Variants in FSD1L observed in about 807,000 individuals in gnomAD.
FSD1L encodes FSD1-like protein.
Under a neutral mutation model 71.6 loss-of-function variants are expected in FSD1L, and 45 were observed. The observed-to-expected ratio is 0.63, with a 90% CI of 0.49 to 0.81. The LOEUF (loss-of-function observed/expected upper bound fraction) is 0.81. Ranked by LOEUF, FSD1L falls within the 30% of genes least tolerant of loss-of-function variation. The pLI is 0.00. For missense variants in FSD1L, 561 were observed against 618.1 expected (o/e 0.91, Z 0.98); for synonymous variants, 197 against 207.2 (o/e 0.95, Z 0.42).
chr9:105,504,146 A>G (rs1474859074), intron 7 of FSD1L, among the ~76,000 whole-genome samples: 1 of 152,212 alleles, frequency 6.6e-6, no homozygotes, highest in Non-Finnish European at 1.5e-5. Context: ...ATTTCCTTAC[A>G]TGTAGGCATA....
intron 7 of FSD1L, among the ~76,000 whole-genome samples, chr9:105,496,673 T>A (rs1421040240): frequency 3.3e-5 from 5 of 152,242 alleles, no homozygotes; most frequent in African/African-American, 1.2e-4. Flanking sequence ...TATTGTGTTT[T>A]AATTTCAAAT....
chr9:105,452,838 T>C (rs1445231389), intron 1 of FSD1L, among the ~76,000 whole-genome samples: 1 of 152,000 alleles, frequency 6.6e-6, no homozygotes, highest in East Asian at 1.9e-4. Flanking sequence ...GTGCTCAAGC[T>C]ATCCTCCCAG....
chr9:105,460,557 A>C (rs1489586695), intron 1 of FSD1L, among the ~76,000 whole-genome samples: 1 of 147,200 alleles, frequency 6.8e-6, no homozygotes, highest in Non-Finnish European at 1.5e-5. Flanking sequence ...GCACCACTGC[A>C]CTCTAGCCTG....
Position 105,448,090 on chromosome 9 carries a change from G to C in FSD1L, c.-131G>C. 9.4e-7 allele frequency: 1 copy of C among 1,063,478 alleles called. No homozygotes were observed. Among genetic ancestry groups the C allele is most frequent in the Non-Finnish European group, 1.4e-6 (1 of 716,830 alleles). 65.9% of individuals were successfully genotyped at this position (1,063,478 alleles called of 1,614,324 possible). A position where few individuals can be genotyped will look rare whatever the true frequency, so the allele number is the denominator to read the frequency against. ...GCGCGCGCGGTCTGGGCGCGGACGG[G>C]TGGGGCCGGGCGGTGCCGGTGCGGG... is the stretch of plus-strand genomic sequence containing the variant. On this transcript the variant is annotated 5_prime_UTR_variant, in exon 1 of 14. Transcript: ENST00000481272.
At chr9:105,528,653 G>C (rs571334148) in intron 10 of FSD1L, among the ~76,000 whole-genome samples, 1 of 152,114 alleles carries the variant, frequency 6.6e-6, no homozygotes, top group South Asian at 2.1e-4. Flanking sequence ...AAGACTTAAA[G>C]ATAAGACCTA....
intron 7 of FSD1L, among the ~76,000 whole-genome samples, chr9:105,491,445 C>G (rs1024723142): frequency 6.6e-6 from 1 of 152,146 alleles, no homozygotes; most frequent in Non-Finnish European, 1.5e-5. Context: ...CGTCTGCAAA[C>G]AGGGACAATT....
Position 105,506,390 on chromosome 9 carries a change from T to C in FSD1L, c.587-9T>C, listed in dbSNP as rs1412143149. On this transcript the variant is annotated splice_polypyrimidine_tract_variant and intron_variant, in intron 7 of 13. Coordinates refer to ENST00000481272, the MANE Select transcript of FSD1L (RefSeq NM_001145313.3). ...ATGAATGAGTCTTTTTTTTTTTTCT[T>C]CTTTGCAGTCCCCAAAGCTCCAGAG... 1 of 1,540,176 alleles carries C rather than the reference T, an allele frequency of 6.5e-7. No individual in the cohort carries two copies. Among genetic ancestry groups the C allele is most frequent in the South Asian group, 1.2e-5 (1 of 82,542 alleles).
intron 1 of FSD1L, among the ~76,000 whole-genome samples, chr9:105,448,600 G>T (rs915733935): frequency 7.5e-6 from 1 of 133,480 alleles, no homozygotes; most frequent in African/African-American, 3.0e-5. Context: ...CTCCTCAGCA[G>T]GTGAGGAAAC....
In FSD1L at chr9:105,496,539, C is replaced by G. The variant is rs144814383; in HGVS notation, c.587-9860C>G. On this transcript the variant is annotated intron_variant, in intron 7 of 13. Transcript: ENST00000481272. The stretch of plus-strand genomic sequence containing the variant: ...TCTATCCATAAACATTGGAATGTCT[C>G]TACATTGATTTAGTTCTTTGATTTC... 1.3e-3 allele frequency among the ~76,000 whole-genome samples: 202 copies of G among 152,290 alleles called. 1 individual carries two copies. Among genetic ancestry groups the G allele is most frequent in the African/African-American group, 4.3e-3 (177 of 41,560 alleles).
At position 105,547,574 on chromosome 9, in the gene FSD1L, T is replaced by G. The variant is rs1268089180; in HGVS notation, c.*1091T>G. The G allele has an allele frequency of 6.6e-6, 1 of 152,078 alleles. No homozygotes were observed. The highest frequency in any genetic ancestry group is 6.6e-5 in the Admixed American group (1 of 15,260). 9.4% of individuals were successfully genotyped at this position (152,078 alleles called of 1,614,324 possible). On this transcript the variant is annotated 3_prime_UTR_variant, in exon 14 of 14. Coordinates refer to ENST00000481272, the MANE Select transcript of FSD1L (RefSeq NM_001145313.3). ...GCACATGACTTTTTCAAGCAGCCAT[T>G]CATTCAGAGGTTTGTTTTCTCTCAG...
At chr9:105,445,089 C>A (rs1053318460), upstream of FSD1L, among the ~76,000 whole-genome samples, 2 of 152,172 alleles carry the variant, frequency 1.3e-5, no homozygotes, top group African/African-American at 4.8e-5. Context: ...AGGCAAAGGA[C>A]TTGCCTATAG....
rs80193040 is a variant in FSD1L at position 105,500,416 on chromosome 9, G to A, written c.587-5983G>A. On this transcript the variant is annotated intron_variant, in intron 7 of 13. Transcript: ENST00000481272. ...CTGGATTTTTCGGTGGAACAGGATG[G>A]CTGGAGTGGGCTGGGGTTGGTCTGG... Among the ~76,000 whole-genome samples the A allele has an allele frequency of 7.8e-3, 1,194 of 152,276 alleles. 18 individuals are homozygous for A. The highest frequency in any genetic ancestry group is 0.027 in the African/African-American group (1,114 of 41,554).
At position 105,474,465 on chromosome 9, in the gene FSD1L, G is replaced by A. The variant is rs548516920; in HGVS notation, c.441+2460G>A. Among the ~76,000 whole-genome samples the A allele has an allele frequency of 7.2e-4, 109 of 152,262 alleles. 2 individuals carry two copies. The South Asian group carries it at 0.022, about 31-fold the overall frequency. On this transcript the variant is annotated intron_variant, in intron 5 of 13. Coordinates refer to ENST00000481272, the MANE Select transcript of FSD1L (RefSeq NM_001145313.3). Reference sequence around the variant, plus strand: ...ATTATTTTCTTCATATGTCCAAATAGTATCCAGATAATAATTTGATTTCAA... The same window carrying A: ...ATTATTTTCTTCATATGTCCAAATAATATCCAGATAATAATTTGATTTCAA...
chr9:105,443,761 G>A (rs1829582801), upstream of FSD1L, among the ~76,000 whole-genome samples: 1 of 152,078 alleles, frequency 6.6e-6, no homozygotes, highest in Admixed American at 6.5e-5. Flanking sequence ...GCAAGACCAT[G>A]TCTCTGTTAA....
rs1837280516 is a variant in FSD1L at position 105,551,924 on chromosome 9, A to G, written c.*5441A>G. The G allele has an allele frequency of 6.6e-6, 1 of 152,234 alleles. No homozygotes were observed. Among genetic ancestry groups the G allele is most frequent in the Non-Finnish European group, 1.5e-5 (1 of 68,024 alleles). The allele number at this position is 152,234 out of a possible 1,614,324, so 9.4% of individuals were successfully genotyped here. A position where few individuals can be genotyped will look rare whatever the true frequency, so the allele number is the denominator to read the frequency against. ...CTGGGCAGCTTGTTGTCACGGATAA[A>G]TGATATAAAATGTAACCACTGAACA... is the stretch of plus-strand genomic sequence containing the variant. On this transcript the variant is annotated 3_prime_UTR_variant, in exon 14 of 14. Coordinates refer to ENST00000481272, the MANE Select transcript of FSD1L (RefSeq NM_001145313.3).
intron 10 of FSD1L, among the ~76,000 whole-genome samples, chr9:105,515,381 A>G (rs1177812288): frequency 6.6e-6 from 1 of 152,190 alleles, no homozygotes; most frequent in East Asian, 1.9e-4. Flanking sequence ...GATGTGCCAG[A>G]TTTGATCTTT....
intron 13 of FSD1L, among the ~76,000 whole-genome samples, chr9:105,540,035 A>G (rs1052449198): frequency 6.6e-6 from 1 of 152,106 alleles, no homozygotes; most frequent in Non-Finnish European, 1.5e-5. Flanking sequence ...ATCATATCGT[A>G]TATGTATAAT....
At chr9:105,545,384 C>A (rs1206717466) in intron 13 of FSD1L, among the ~76,000 whole-genome samples, 2 of 145,762 alleles carry the variant, frequency 1.4e-5, no homozygotes, top group Admixed American at 6.8e-5. Context: ...GACAATTTGA[C>A]TTCCTCTTTT....
intron 10 of FSD1L, chr9:105,525,676 A>G (rs1450211992): frequency 6.2e-7 from 1 of 1,609,116 alleles, no homozygotes; most frequent in Non-Finnish European, 8.5e-7. Flanking sequence ...GACACACAAG[A>G]TTGCAGTATT....
Sources: gnomAD v4.1 joint callset for allele counts (sites outside exome capture counted in the v4.1 genomes callset) on GRCh38, gnomAD v4.1.1 for gene constraint, MANE v1.5 for transcripts, NCBI Gene and HGNC (gene_info 2026-07-23, HGNC 2026-07-21) for gene names.